The following CUBN variants were observed in gnomAD, a reference collection of about 807,000 sequenced individuals.
The protein encoded by CUBN is cubilin, also known as 460 kDa receptor.
In CUBN, 282 loss-of-function variants were observed where a neutral mutation model predicts 405.3. The ratio of observed to expected loss-of-function variants is 0.70; its 90% CI spans 0.63 to 0.77. CUBN has a LOEUF of 0.77. CUBN is among the 30% of genes least tolerant of loss of function. CUBN has a pLI of 0.00. For missense variants in CUBN, 4,514 were observed against 4,475.2 expected, an observed-to-expected ratio of 1.01 and a Z score of -0.25; for synonymous variants, 1,684 against 1,617.0, an observed-to-expected ratio of 1.04 and a Z score of -0.99.
intron 62 of CUBN, among the ~76,000 whole-genome samples, chr10:16,837,388 G>A (rs1039295503): frequency 6.6e-6 from 1 of 151,880 alleles, no homozygotes; most frequent in African/African-American, 2.4e-5. Flanking sequence ...CTCCTTCGAC[G>A]GTCTCTACAT....
intron 31 of CUBN, among the ~76,000 whole-genome samples, chr10:16,955,271 G>A (rs1213952412): frequency 6.6e-6 from 1 of 150,796 alleles, no homozygotes; most frequent in Admixed American, 6.6e-5. Flanking sequence ...TACTCAGGAG[G>A]CTGAGGCAGG....
At chr10:17,079,235 CTT>C (rs34189586) in intron 17 of CUBN, among the ~76,000 whole-genome samples, 22 of 124,484 alleles carry the variant, frequency 1.8e-4, no homozygotes, top group African/African-American at 5.5e-4. Context: ...AATGCAAACT[CTT>C]TTTTTTTTTT....
intron 54 of CUBN, among the ~76,000 whole-genome samples, chr10:16,894,942 A>C (rs1359044030): frequency 1.3e-5 from 2 of 152,166 alleles, no homozygotes; most frequent in African/African-American, 4.8e-5. Flanking sequence ...CTATATCTAC[A>C]CTGATCCATC....
chr10:16,973,220 C>T (rs895037913), intron 31 of CUBN, among the ~76,000 whole-genome samples: 4 of 152,166 alleles, frequency 2.6e-5, no homozygotes, highest in African/African-American at 9.7e-5. Context: ...CCCCATCCTT[C>T]CCTTGCAGCC....
chr10:17,087,039 G>A (rs1425481050), intron 15 of CUBN, among the ~76,000 whole-genome samples: 2 of 152,148 alleles, frequency 1.3e-5, no homozygotes, highest in African/African-American at 4.8e-5. Context: ...CATTCCCAAA[G>A]GTTTCAAATC....
At position 16,990,093 on chromosome 10, in the gene CUBN, C is replaced by T. The variant is rs2291522; in HGVS notation, c.4350+241G>A. Among the ~76,000 whole-genome samples, 307 of 152,338 alleles carry T rather than the reference C, an allele frequency of 2.0e-3. 12 individuals carry two copies. The East Asian group carries it at 0.053, about 26-fold the overall frequency. ...TCCTTCACTCACTCGTCCTGGGCTC[C>T]GGCTTCCTGGCATTACCTCCTAACT... On this transcript the variant is annotated intron_variant, in intron 29 of 66. Transcript: ENST00000377833.
intron 17 of CUBN, 99 bp from the exon 18 acceptor site, chr10:17,072,070 G>A: frequency 1.1e-6 from 1 of 906,662 alleles, no homozygotes; most frequent in Non-Finnish European, 1.8e-6. Flanking sequence ...GATTCAAAAT[G>A]AATGATAATC....
At chr10:16,929,075 G>T (rs904024450) in intron 40 of CUBN, among the ~76,000 whole-genome samples, 7 of 151,906 alleles carry the variant, frequency 4.6e-5, no homozygotes, top group African/African-American at 1.7e-4. Context: ...CAAAAGGTAT[G>T]CAATTGTATG....
intron 31 of CUBN, among the ~76,000 whole-genome samples, chr10:16,956,028 A>T (rs1393218684): frequency 1.3e-5 from 2 of 152,166 alleles, no homozygotes; most frequent in African/African-American, 4.8e-5. Context: ...GGAAAAAAAT[A>T]GAAAGTTCGG....
chr10:17,029,725 T>C (rs949725915), intron 27 of CUBN, among the ~76,000 whole-genome samples: 19 of 152,224 alleles, frequency 1.2e-4, no homozygotes, highest in East Asian at 1.9e-4. Context: ...CCAGGAAGCG[T>C]TGGCGGTGGA....
chr10:16,862,702 C>T (rs1470285663), intron 59 of CUBN, among the ~76,000 whole-genome samples: 1 of 152,148 alleles, frequency 6.6e-6, no homozygotes, highest in Non-Finnish European at 1.5e-5. Context: ...AATGCTATAA[C>T]AAAGCCAGGC....
chr10:16,915,276 C>A (rs374862565), intron 46 of CUBN, 104 bp from the exon 47 acceptor site: 8 of 1,368,588 alleles, frequency 5.8e-6, no homozygotes, highest in South Asian at 3.6e-5. Flanking sequence ...AAAAACAAGA[C>A]CCTGCCTATG....
At chr10:16,830,996 A>G (rs560349950) in intron 65 of CUBN, among the ~76,000 whole-genome samples, 2 of 152,174 alleles carry the variant, frequency 1.3e-5, no homozygotes, top group East Asian at 1.9e-4. Flanking sequence ...CTGAGGTAGG[A>G]GAATCACTTG....
At chr10:16,886,829 C>T (rs780848) in intron 56 of CUBN, among the ~76,000 whole-genome samples, 4 of 152,098 alleles carry the variant, frequency 2.6e-5, no homozygotes, top group African/African-American at 9.7e-5. Flanking sequence ...GCTCTTGTCG[C>T]CCAGGCTGGA....
intron 14 of CUBN, among the ~76,000 whole-genome samples, chr10:17,094,953 T>A (rs1355951230): frequency 6.6e-6 from 1 of 151,992 alleles, no homozygotes; most frequent in Admixed American, 6.6e-5. Context: ...CCTGGAGGCA[T>A]CCTGATTTAA....
At chr10:16,923,186 A>G (rs1008497132) in intron 43 of CUBN, among the ~76,000 whole-genome samples, 14 of 151,052 alleles carry the variant, frequency 9.3e-5, no homozygotes, top group Non-Finnish European at 2.1e-4. Flanking sequence ...CCTTTACCAC[A>G]CTGTGAACTC....
intron 43 of CUBN, 102 bp from the exon 44 acceptor site, chr10:16,920,239 C>T (rs1588651205): frequency 3.5e-6 from 4 of 1,154,276 alleles, no homozygotes; most frequent in South Asian, 1.3e-5. Flanking sequence ...ATTTTGTCTC[C>T]ATTTCCTTTC....
chr10:16,990,372 C>A lies in CUBN; in HGVS notation c.4312G>T (p.Val1438Leu), dbSNP rs764937978. The A allele has an allele frequency of 9.3e-6, 15 of 1,614,092 alleles. No individual in the cohort carries two copies. The highest frequency in any genetic ancestry group is 1.3e-5 in the Non-Finnish European group (15 of 1,180,040). The change falls in exon 29 of 67, where the codon GTG (valine) becomes TTG (leucine). Residue 1438 changes from valine to leucine, a missense_variant. Transcript: ENST00000377833. ...SIQLTIHDFD[V>L]EYHSRCNFDV... ...AAGTTGCACCTTGAATGATACTCCA[C>A]ATCGAAGTCATGGATGGTGAGCTGA...
intron 29 of CUBN, among the ~76,000 whole-genome samples, chr10:16,988,004 C>T (rs1432252227): frequency 6.6e-6 from 1 of 152,186 alleles, no homozygotes; most frequent in Non-Finnish European, 1.5e-5. Flanking sequence ...CGTCTTCTCA[C>T]AGCCATTTCT....
Sources: gnomAD v4.1 joint callset for allele counts (sites outside exome capture counted in the v4.1 genomes callset) on GRCh38, gnomAD v4.1.1 for gene constraint, MANE v1.5 for transcripts, NCBI Gene and HGNC (gene_info 2026-07-23, HGNC 2026-07-21) for gene names.